The following DLGAP1 variants were observed in gnomAD, a reference collection of about 807,000 sequenced individuals.
DLGAP1 encodes the protein disks large-associated protein 1.
A neutral mutation model predicts 90.8 loss-of-function variants in DLGAP1; 11 were observed. The ratio of observed to expected loss-of-function variants is 0.12; its 90% CI spans 0.08 to 0.20. The LOEUF is 0.20. Ranked by LOEUF, DLGAP1 falls within the 10% of genes least tolerant of loss-of-function variation. DLGAP1 has a pLI of 1.00. For missense variants in DLGAP1, 1,050 were observed against 1,333.8 expected, an observed-to-expected ratio of 0.79 and a Z score of 3.31; for synonymous variants, 558 against 540.7, an observed-to-expected ratio of 1.03 and a Z score of -0.44.
intron 7 of DLGAP1, among the ~76,000 whole-genome samples, chr18:3,601,150 G>C (rs940381127): frequency 6.6e-6 from 1 of 151,652 alleles, no homozygotes; most frequent in Non-Finnish European, 1.5e-5. Flanking sequence ...GCAGTGATGT[G>C]ATCTCAGCTC....
chr18:3,870,703 C>T lies in DLGAP1; in HGVS notation c.957+8409G>A, dbSNP rs376368139. On this transcript the variant is annotated intron_variant, in intron 4 of 12. Transcript: ENST00000315677. ...TGGTAACAGCTATGTTAATTTTTAT[C>T]CTGGAGAAGTAAGATGAGGGATGCT... 4.6e-5 allele frequency among the ~76,000 whole-genome samples: 7 copies of T among 151,736 alleles called. No homozygotes were observed. In the East Asian group the frequency reaches 1.2e-3, roughly 25 times the overall value.
intron 2 of DLGAP1, among the ~76,000 whole-genome samples, chr18:4,011,710 G>A (rs1480786641): frequency 6.6e-6 from 1 of 152,086 alleles, no homozygotes; most frequent in East Asian, 1.9e-4. Flanking sequence ...TGTAGTCCCA[G>A]CTACTTGGGA....
chr18:3,628,577 C>G (rs560178075), intron 7 of DLGAP1, among the ~76,000 whole-genome samples: 1 of 152,258 alleles, frequency 6.6e-6, no homozygotes, highest in South Asian at 2.1e-4. Context: ...GTTCACATTC[C>G]CCGTGCATCT....
intron 10 of DLGAP1, among the ~76,000 whole-genome samples, chr18:3,515,043 G>T (rs1474074377): frequency 6.6e-6 from 1 of 152,144 alleles, no homozygotes; most frequent in Non-Finnish European, 1.5e-5. Flanking sequence ...GCCCCGGCTG[G>T]CTGTGACAAT....
intron 7 of DLGAP1, among the ~76,000 whole-genome samples, chr18:3,583,191 T>TTCTTTCCTTCCC (rs1423893204): frequency 0.013 from 1,888 of 147,354 alleles, 43 homozygotes; most frequent in African/African-American, 0.045. Context: ...CCTACCTTCC[T>TTCTTTCCTTCCC]TCCTTCCTTC....
At chr18:3,575,452 A>G (rs1196242988) in intron 8 of DLGAP1, among the ~76,000 whole-genome samples, 1 of 152,218 alleles carries the variant, frequency 6.6e-6, no homozygotes, top group Non-Finnish European at 1.5e-5. Flanking sequence ...CAGGAAGTAG[A>G]GGGGTCAGGG....
chr18:4,260,252 G>T (rs1361399172), intron 1 of DLGAP1, among the ~76,000 whole-genome samples: 1 of 152,154 alleles, frequency 6.6e-6, no homozygotes, highest in Non-Finnish European at 1.5e-5. Context: ...ATGGGCTGGG[G>T]ACTCTGCTGA....
intron 2 of DLGAP1, among the ~76,000 whole-genome samples, chr18:4,012,480 A>G (rs892656791): frequency 2.0e-5 from 3 of 152,118 alleles, no homozygotes; most frequent in Non-Finnish European, 4.4e-5. Flanking sequence ...CAGTTTCAGC[A>G]GCCAGGCCTG....
intron 7 of DLGAP1, among the ~76,000 whole-genome samples, chr18:3,592,843 C>CAAAAAAAAAAAAAAA (rs56871583): frequency 4.7e-5 from 2 of 42,582 alleles, no homozygotes; most frequent in Non-Finnish European, 9.8e-5. Context: ...GACCCTGCCT[C>CAAAAAAAAAAAAAAA]AAAAAAAAAA....
intron 1 of DLGAP1, among the ~76,000 whole-genome samples, chr18:4,252,980 A>C (rs958920933): frequency 2.6e-5 from 4 of 152,196 alleles, no homozygotes; most frequent in Non-Finnish European, 5.9e-5. Flanking sequence ...TCAGCTAAAG[A>C]TTTTTATCTA....
intron 3 of DLGAP1, among the ~76,000 whole-genome samples, chr18:3,999,321 G>C (rs547632239): frequency 1.4e-4 from 22 of 152,128 alleles, no homozygotes; most frequent in African/African-American, 5.3e-4. Context: ...ATATAACCTG[G>C]AGTGTTGGGT....
intron 1 of DLGAP1, among the ~76,000 whole-genome samples, chr18:4,245,123 T>C (rs1267409683): frequency 1.3e-5 from 2 of 152,248 alleles, no homozygotes; most frequent in African/African-American, 4.8e-5. Flanking sequence ...GCTACTGGTA[T>C]AACTCAGAAC....
At chr18:4,403,796 T>G (rs930561274) in intron 1 of DLGAP1, among the ~76,000 whole-genome samples, 3 of 152,076 alleles carry the variant, frequency 2.0e-5, no homozygotes, top group Admixed American at 1.3e-4. Context: ...TCCAGTTGAG[T>G]GTCCATGGGT....
intron 3 of DLGAP1, among the ~76,000 whole-genome samples, chr18:4,001,898 T>C (rs908816046): frequency 6.6e-6 from 1 of 152,142 alleles, no homozygotes; most frequent in Non-Finnish European, 1.5e-5. Flanking sequence ...AGCCTTACAG[T>C]GAATACTTGT....
At chr18:4,222,710 T>C (rs1318087524) in intron 1 of DLGAP1, among the ~76,000 whole-genome samples, 1 of 144,968 alleles carries the variant, frequency 6.9e-6, no homozygotes, top group Non-Finnish European at 1.5e-5. Context: ...TGTTTCCCTA[T>C]AGGGAATTCC....
intron 8 of DLGAP1, chr18:3,580,761 C>T (rs1199574104): frequency 1.2e-5 from 20 of 1,612,472 alleles, no homozygotes; most frequent in Middle Eastern, 1.6e-4. Flanking sequence ...CAGGTGTGAC[C>T]GGAGACTTTG....
chr18:3,534,085 C>T (rs985853597), intron 10 of DLGAP1, 109 bp downstream of exon 10: 27 of 1,266,788 alleles, frequency 2.1e-5, no homozygotes, highest in African/African-American at 4.5e-5. Flanking sequence ...GGGTGTGGAA[C>T]GTCAAGGTTA....
chr18:4,423,208 C>CAAAT (rs1301616069), intron 1 of DLGAP1, among the ~76,000 whole-genome samples: 17 of 152,118 alleles, frequency 1.1e-4, no homozygotes, highest in African/African-American at 4.1e-4. Flanking sequence ...TTTGCTTCTT[C>CAAAT]ACCTGGAAAA....
At chr18:3,688,073 A>G (rs2060763267) in intron 7 of DLGAP1, among the ~76,000 whole-genome samples, 1 of 151,918 alleles carries the variant, frequency 6.6e-6, no homozygotes, top group Non-Finnish European at 1.5e-5. Context: ...CGCCCAGCTA[A>G]TTTTTGTATT....
Sources: gnomAD v4.1 joint callset for allele counts (sites outside exome capture counted in the v4.1 genomes callset) on GRCh38, gnomAD v4.1.1 for gene constraint, MANE v1.5 for transcripts, NCBI Gene and HGNC (gene_info 2026-07-23, HGNC 2026-07-21) for gene names.